CFAP20DC: variants seen among roughly 807,000 people sequenced by gnomAD.
The protein encoded by CFAP20DC is protein CFAP20DC.
In CFAP20DC, 84 loss-of-function variants were observed where a neutral mutation model predicts 101.7. The observed-to-expected ratio is 0.83, with a 90% confidence interval of 0.69 to 0.99. The LOEUF (loss-of-function observed/expected upper bound fraction) is 0.99. Ranked by LOEUF, CFAP20DC falls within the 50% of genes least tolerant of loss-of-function variation. CFAP20DC has a pLI of 0.00. For synonymous variants in CFAP20DC, 359 were observed against 351.2 expected (o/e 1.02, Z -0.25); for missense variants, 1,007 against 970.3 (o/e 1.04, Z -0.50).
intron 4 of CFAP20DC, among the ~76,000 whole-genome samples, chr3:59,029,154 A>T (rs1233867249): frequency 1.3e-5 from 2 of 152,164 alleles, no homozygotes; most frequent in Admixed American, 1.3e-4. Flanking sequence ...TTCATTCATT[A>T]GTCCACCCAT....
intron 4 of CFAP20DC, among the ~76,000 whole-genome samples, chr3:58,970,163 T>C (rs2091867383): frequency 6.6e-6 from 1 of 152,212 alleles, no homozygotes; most frequent in Non-Finnish European, 1.5e-5. Context: ...CACTAGTTTC[T>C]TGGTGATGTC....
At chr3:58,776,217 T>C (rs746080865) in intron 15 of CFAP20DC, among the ~76,000 whole-genome samples, 52 of 152,310 alleles carry the variant, frequency 3.4e-4, no homozygotes, top group Non-Finnish European at 6.2e-4. Context: ...CATAATGCTG[T>C]GGGAGGCCAG....
intron 4 of CFAP20DC, among the ~76,000 whole-genome samples, chr3:58,948,523 T>C (rs1304122160): frequency 6.6e-6 from 1 of 152,228 alleles, no homozygotes; most frequent in Non-Finnish European, 1.5e-5. Flanking sequence ...GTTTTCACAG[T>C]TAAATAACAT....
chr3:58,833,405 A>C (rs2076530179), intron 13 of CFAP20DC, among the ~76,000 whole-genome samples: 1 of 152,220 alleles, frequency 6.6e-6, no homozygotes, highest in African/African-American at 2.4e-5. Flanking sequence ...AAATGCAAAA[A>C]TAAAAAAGGA....
chr3:58,901,741 T>A (rs1209690567), intron 6 of CFAP20DC, among the ~76,000 whole-genome samples: 1 of 152,158 alleles, frequency 6.6e-6, no homozygotes, highest in Non-Finnish European at 1.5e-5. Flanking sequence ...AGAGCTTTTT[T>A]AAAAAAATGC....
chr3:58,835,780 A>G (rs561815925), intron 13 of CFAP20DC, among the ~76,000 whole-genome samples: 30 of 152,328 alleles, frequency 2.0e-4, no homozygotes, highest in South Asian at 8.3e-4. Context: ...AAATCACCAG[A>G]AAGGCTAAAT....
chr3:58,900,775 T>C (rs186144202), intron 6 of CFAP20DC, among the ~76,000 whole-genome samples: 133 of 152,348 alleles, frequency 8.7e-4, no homozygotes, highest in African/African-American at 3.1e-3. Flanking sequence ...TAGTGTATTA[T>C]TGGAATGTTT....
At chr3:59,028,723 A>T (rs1022921701) in intron 4 of CFAP20DC, among the ~76,000 whole-genome samples, 1 of 152,204 alleles carries the variant, frequency 6.6e-6, no homozygotes, top group Non-Finnish European at 1.5e-5. Flanking sequence ...AATAAAACAG[A>T]GGTAATAATT....
At chr3:58,870,379 T>C in intron 7 of CFAP20DC, 70 bp from the exon 8 acceptor site, 3 of 1,514,292 alleles carry the variant, frequency 2.0e-6, no homozygotes, top group Middle Eastern at 4.1e-4. Flanking sequence ...CTGCAATCTT[T>C]CTAAAAATCC....
At chr3:59,031,458 G>T (rs927648149) in intron 4 of CFAP20DC, among the ~76,000 whole-genome samples, 1 of 152,132 alleles carries the variant, frequency 6.6e-6, no homozygotes, top group Non-Finnish European at 1.5e-5. Flanking sequence ...ATAAAGTTTT[G>T]TGTGATCCCC....
chr3:59,036,434 A>C (rs897253795), intron 4 of CFAP20DC, among the ~76,000 whole-genome samples: 4 of 152,182 alleles, frequency 2.6e-5, no homozygotes, highest in African/African-American at 7.2e-5. Context: ...CTGATAACCA[A>C]CTTCAACAAA....
At chr3:58,987,300 T>C (rs2092784574) in intron 4 of CFAP20DC, among the ~76,000 whole-genome samples, 2 of 152,124 alleles carry the variant, frequency 1.3e-5, no homozygotes, top group African/African-American at 4.8e-5. Flanking sequence ...AAATAAAATA[T>C]AACTTCCAAG....
At chr3:59,046,921 C>T (rs1699911504) in intron 2 of CFAP20DC, among the ~76,000 whole-genome samples, 1 of 152,124 alleles carries the variant, frequency 6.6e-6, no homozygotes, top group Non-Finnish European at 1.5e-5. Context: ...CTTACAGATA[C>T]TGAAGTCATC....
In CFAP20DC at chr3:58,831,883, C is replaced by A; in HGVS notation, c.1978G>T (p.Asp660Tyr). Residue 660 changes from aspartate (D) to tyrosine (Y), a missense_variant, in exon 14 of 17, where the codon GAC (aspartate) becomes TAC (tyrosine). Transcript: ENST00000482387. The stretch of plus-strand genomic sequence containing the variant: ...TGGCTTGGCTGATAGTTTCGCCAGT[C>A]ATATTCCTGACCAAGAGAGAGGAAA... The part of the protein sequence containing the change: ...LSSIPEASEY[D>Y]WRNYQPSQMS... 6.2e-7 allele frequency: 1 copy of A among 1,613,844 alleles called. No homozygotes were observed. The highest frequency in any genetic ancestry group is 1.1e-5 in the South Asian group (1 of 91,024).
chr3:58,815,043 T>A (rs1005637862), intron 14 of CFAP20DC, among the ~76,000 whole-genome samples: 2 of 151,602 alleles, frequency 1.3e-5, no homozygotes, highest in African/African-American at 4.9e-5. Flanking sequence ...AGAGCCCGCA[T>A]CGCCAAAGCA....
chr3:58,718,371 G>T (rs544482354), intron 3 of CFAP20DC, among the ~76,000 whole-genome samples: 1 of 152,278 alleles, frequency 6.6e-6, no homozygotes, highest in South Asian at 2.1e-4. Context: ...TCACCCCAGA[G>T]CATGTGGAAA....
intron 7 of CFAP20DC, among the ~76,000 whole-genome samples, chr3:58,870,579 A>C (rs1181210936): frequency 6.6e-6 from 1 of 151,736 alleles, no homozygotes; most frequent in Non-Finnish European, 1.5e-5. Context: ...CACCACCACA[A>C]AGTTTTTCTT....
rs181700486 is a variant in CFAP20DC, at chr3:58,914,799, G to A, written c.394-935C>T. 271 of 151,772 alleles carry A rather than the reference G, an allele frequency of 1.8e-3. 3 individuals are homozygous for A. The highest frequency in any genetic ancestry group is 6.0e-3 in the African/African-American group (249 of 41,374). The allele number at this position is 151,772 out of a possible 1,614,324, so 9.4% of individuals were successfully genotyped here. A position where few individuals can be genotyped will look rare whatever the true frequency, so the allele number is the denominator to read the frequency against. ...CACAGTAGAAAAAGTAAAAGAGACC[G>A]AAATACATTATTTATTAAATACATG... On this transcript the variant is annotated intron_variant, in intron 5 of 16. Coordinates refer to ENST00000482387, the MANE Select transcript of CFAP20DC (RefSeq NM_001394063.1). This position sits in a 1 kb window ranked among gnomAD's most constrained non-coding sequence, Gnocchi z 4.9.
rs573958824 is a variant in CFAP20DC at position 58,811,684 on chromosome 3, C to T, written c.2176-5228G>A. Among the ~76,000 whole-genome samples, 4 of 152,184 alleles carry T rather than the reference C, an allele frequency of 2.6e-5. No individual in the cohort carries two copies. The South Asian group carries it at 6.2e-4, about 24-fold the overall frequency. On this transcript the variant is annotated intron_variant, in intron 14 of 16. Coordinates refer to ENST00000482387, the MANE Select transcript of CFAP20DC (RefSeq NM_001394063.1). ...TCTAAAACACCAAAGTCAATGGCAA[C>T]AAAAGCCAAAATTGACAAATGGGAT...
Sources: gnomAD v4.1 joint callset for allele counts (sites outside exome capture counted in the v4.1 genomes callset) on GRCh38, gnomAD v4.1.1 for gene constraint, Gnocchi (gnomAD v3.1) non-coding constraint, MANE v1.5 for transcripts, NCBI Gene and HGNC (gene_info 2026-07-23, HGNC 2026-07-21) for gene names.